The following EVPL variants were observed in gnomAD, a reference collection of about 807,000 sequenced individuals.
EVPL encodes 210 kDa cornified envelope precursor protein.
In EVPL, 94 loss-of-function variants were observed where a neutral mutation model predicts 129.7. The ratio of observed to expected loss-of-function variants is 0.72; its 90% confidence interval spans 0.61 to 0.86. EVPL has a LOEUF of 0.86. Among genes scored for constraint, EVPL ranks in the 40% least tolerant of loss-of-function variants. The pLI, the probability that EVPL is intolerant of heterozygous loss-of-function variation, is 0.00. For missense variants in EVPL, 2,625 were observed against 2,721.1 expected, an observed-to-expected ratio of 0.96 and a Z score of 0.79; for synonymous variants, 1,172 against 1,191.1, an observed-to-expected ratio of 0.98 and a Z score of 0.33.
At chr17:76,023,258 T>C in intron 4 of EVPL, 34 bp downstream of exon 4, 1 of 1,612,592 alleles carries the variant, frequency 6.2e-7, no homozygotes, top group Non-Finnish European at 8.5e-7. Flanking sequence ...TATCGCCCTC[T>C]GATCACACTG....
chr17:76,014,838 G>T, intron 17 of EVPL, 78 bp downstream of exon 17: 1 of 1,418,554 alleles, frequency 7.0e-7, no homozygotes, highest in Admixed American at 2.3e-5. Context: ...CACTAGCCCA[G>T]GATCACACAG....
In EVPL at chr17:76,007,315, T is replaced by C. The variant is rs767540969; in HGVS notation, c.5890A>G (p.Ile1964Val). The change falls in exon 22 of 22, where the codon ATC (isoleucine) becomes GTC (valine). Residue 1964 changes from isoleucine (I) to valine (V), a missense_variant. Physicochemically the swap from Ile to Val is conservative, Grantham distance 29. This residue lies in a region of EVPL where 1,453 missense variants were observed against 1,511.8 expected (regional missense o/e 0.96). Coordinates refer to ENST00000301607, the MANE Select transcript of EVPL (RefSeq NM_001988.4). This position sits in a 1 kb window ranked among gnomAD's most constrained non-coding sequence, Gnocchi z 8.8. ...AGGAGCTGGGCCAGCTCTTCACTGA[T>C]CATCCCGGAGAGGAGGGCCTGCTGG... ...PIQQALLSGM[I>V]SEELAQLLQD... 1.0e-5 allele frequency: 16 copies of C among 1,557,208 alleles called. No individual in the cohort carries two copies. In the African/African-American group the frequency reaches 2.1e-4, roughly 20 times the overall value.
chr17:76,015,968 A>T (rs1050979809), intron 14 of EVPL, among the ~76,000 whole-genome samples: 7 of 152,066 alleles, frequency 4.6e-5, no homozygotes, highest in African/African-American at 1.7e-4. Flanking sequence ...ACATGGCGAA[A>T]CCCTGTCTCT....
chr17:76,017,964 T>A (rs2066429727), intron 13 of EVPL, 53 bp from the exon 14 acceptor site: 2 of 1,603,190 alleles, frequency 1.2e-6, no homozygotes, highest in Admixed American at 3.4e-5. Flanking sequence ...GACTGCCAGA[T>A]AGGTGCCCCC....
intron 1 of EVPL, among the ~76,000 whole-genome samples, chr17:76,026,560 C>T (rs1383154846): frequency 5.9e-5 from 9 of 152,160 alleles, no homozygotes; most frequent in African/African-American, 2.2e-4. Flanking sequence ...GGTGAGAACT[C>T]TGGGGAGGGC....
Position 76,021,912 on chromosome 17 carries a change from C to G in EVPL, c.762G>C (p.Trp254Cys). 3 of 1,561,460 alleles carry G rather than the reference C, an allele frequency of 1.9e-6. No homozygotes were observed. Among genetic ancestry groups the G allele is most frequent in the Non-Finnish European group, 2.6e-6 (3 of 1,160,752 alleles). Reference protein sequence around the residue: ...EQQRRILQQDWSDLMADPAGV... With the variant: ...EQQRRILQQDCSDLMADPAGV... Reference sequence around the variant, plus strand: ...CCGCAGGGTCGGCCATGAGGTCGCTCCAGTCCTGCTGCAGGATGCGGCGCT... The same window carrying G: ...CCGCAGGGTCGGCCATGAGGTCGCTGCAGTCCTGCTGCAGGATGCGGCGCT... The change falls in exon 7 of 22, where the codon TGG (tryptophan) becomes TGC (cysteine). Residue 254 changes from tryptophan (W) to cysteine (C), a missense_variant. By Grantham distance (215) the Trp-to-Cys change is radical. This residue lies in a region of EVPL where 1,024 missense variants were observed against 997.5 expected (regional missense o/e 1.03). Coordinates refer to ENST00000301607, the MANE Select transcript of EVPL (RefSeq NM_001988.4).
intron 18 of EVPL, among the ~76,000 whole-genome samples, chr17:76,014,063 G>C (rs2066398461): frequency 6.6e-6 from 1 of 152,152 alleles, no homozygotes; most frequent in East Asian, 1.9e-4. Flanking sequence ...CAGCACTCCA[G>C]CTTCTCCCAC....
rs1052029208 is a variant in EVPL, at chr17:76,024,542, A to G, written c.99-422T>C. Among the ~76,000 whole-genome samples the G allele has an allele frequency of 2.6e-5, 4 of 152,090 alleles. No homozygotes were observed. The highest frequency in any genetic ancestry group is 9.6e-5 in the African/African-American group (4 of 41,512). On this transcript the variant is annotated intron_variant, in intron 1 of 21. Transcript: ENST00000301607. This position sits in a 1 kb window ranked among gnomAD's most constrained non-coding sequence, Gnocchi z 4.5. ...GTTGGGCTGGCTGGGGCAGGGAGGC[A>G]GCAGCATGTCCCCCATCCCCACCTC... is the stretch of plus-strand genomic sequence containing the variant.
intron 14 of EVPL, among the ~76,000 whole-genome samples, chr17:76,016,215 G>A (rs2066418147): frequency 6.6e-6 from 1 of 152,216 alleles, no homozygotes; most frequent in Admixed American, 6.5e-5. Flanking sequence ...CCTGAGCTCA[G>A]CAGTGAGCGC....
At position 76,009,094 on chromosome 17, in the gene EVPL, C is replaced by T. The variant is rs765943866; in HGVS notation, c.4111G>A (p.Val1371Met). 7 of 1,613,244 alleles carry T rather than the reference C, an allele frequency of 4.3e-6. No individual in the cohort carries two copies. The highest frequency in any genetic ancestry group is 5.9e-6 in the Non-Finnish European group (7 of 1,179,544). The change falls in exon 22 of 22, where the codon GTG becomes ATG. Residue 1371 changes from valine (V) to methionine (M), a missense_variant. Val to Met is a conservative substitution (Grantham distance 21). Coordinates refer to ENST00000301607, the MANE Select transcript of EVPL (RefSeq NM_001988.4). This position sits in a 1 kb window ranked among gnomAD's most constrained non-coding sequence, Gnocchi z 5.9. ...LERRKPEEKV[V>M]VQEVVVTQKD... ...TGGGTGACCACCACCTCCTGCACCA[C>T]CACCTTCTCCTCGGGCTTCCTCCTC... is the stretch of plus-strand genomic sequence containing the variant.
intron 1 of EVPL, among the ~76,000 whole-genome samples, chr17:76,025,222 C>A (rs892484629): frequency 6.6e-6 from 1 of 152,176 alleles, no homozygotes; most frequent in Admixed American, 6.5e-5. Context: ...TGAATTTATC[C>A]ATCTGAAACG....
In EVPL at chr17:76,022,122, G is replaced by C; in HGVS notation, c.645+67C>G. The C allele has an allele frequency of 1.3e-6, 2 of 1,597,912 alleles. No individual in the cohort carries two copies. The highest frequency in any genetic ancestry group is 1.7e-5 in the Admixed American group (1 of 57,218). ...GGCCGCGCTCAGGAACACTGGCCCC[G>C]GGCAGGGTCCGGGCGGCCACCCAGG... is the stretch of plus-strand genomic sequence containing the variant. On this transcript the variant is annotated intron_variant, in intron 6 of 21. Transcript: ENST00000301607. The surrounding 1 kb of genome is among the most constrained non-coding windows in gnomAD (Gnocchi z 5.6).
In EVPL at chr17:76,018,930, T is replaced by C; in HGVS notation, c.1268A>G (p.Asp423Gly). The part of the protein sequence containing the change: ...QQPLHVDSIC[D>G]WDSGEVQLLQ... ...AGTTCGCACTTCTCCTGAGTCCCAG[T>C]CGCAGATGCTGTCCACGTGCAGGGG... The change falls in exon 11 of 22, where the codon GAC becomes GGC. Residue 423 changes from aspartate to glycine, a missense_variant. Coordinates refer to ENST00000301607, the MANE Select transcript of EVPL (RefSeq NM_001988.4). 1.9e-6 allele frequency: 3 copies of C among 1,538,826 alleles called. No individual in the cohort carries two copies. The highest frequency in any genetic ancestry group is 2.6e-6 in the Non-Finnish European group (3 of 1,145,528).
intron 17 of EVPL, 43 bp from the exon 18 acceptor site, chr17:76,014,619 G>C (rs749804691): frequency 6.3e-7 from 1 of 1,593,540 alleles, no homozygotes; most frequent in Non-Finnish European, 8.5e-7. Context: ...GACCTGCCCC[G>C]TGGGGACAGG....
Position 76,013,927 on chromosome 17 carries a change from GT to G in EVPL, c.2373+498del, listed in dbSNP as rs1389907806. The stretch of plus-strand genomic sequence containing the variant: ...CCCATCTGGTCGCCCTCGCCCCTGA[GT>G]CCCCCTCCTTTCCCCTGACTGCCAT... On this transcript the variant is annotated intron_variant, in intron 18 of 21. Transcript: ENST00000301607. The surrounding 1 kb of genome is among the most constrained non-coding windows in gnomAD (Gnocchi z 4.3). Among the ~76,000 whole-genome samples, 1 of 152,038 alleles carries G rather than the reference GT, an allele frequency of 6.6e-6. No individual in the cohort carries two copies. The highest frequency in any genetic ancestry group is 1.5e-5 in the Non-Finnish European group (1 of 67,990).
chr17:76,023,983 G>A (rs1237831315), intron 2 of EVPL, 38 bp downstream of exon 2: 3 of 1,588,174 alleles, frequency 1.9e-6, no homozygotes, highest in African/African-American at 1.3e-5. Context: ...ATGCCACCCA[G>A]CCTGTCCACG....
rs1388752896 is a variant in EVPL, at chr17:76,022,378, T to C, written c.606+35A>G. ...TCTGACTGGAGAAACGGGCTGGGGCTGGCCCCGGATGTGACATCCTCCAGG... is the reference window on the plus strand; with the variant it reads ...TCTGACTGGAGAAACGGGCTGGGGCCGGCCCCGGATGTGACATCCTCCAGG... On this transcript the variant is annotated intron_variant, in intron 5 of 21. Transcript: ENST00000301607. The surrounding 1 kb of genome is among the most constrained non-coding windows in gnomAD (Gnocchi z 5.6). 6 of 1,612,510 alleles carry C rather than the reference T, an allele frequency of 3.7e-6. No homozygotes were observed. Among genetic ancestry groups the C allele is most frequent in the African/African-American group, 1.3e-5 (1 of 74,906 alleles).
At chr17:76,016,010 A>T (rs2066417155) in intron 14 of EVPL, among the ~76,000 whole-genome samples, 1 of 152,120 alleles carries the variant, frequency 6.6e-6, no homozygotes, top group Admixed American at 6.5e-5. Flanking sequence ...CGGCCGTAGC[A>T]GCGCGCACCT....
rs777112755 is a variant in EVPL, at chr17:76,022,421, C to T, written c.598G>A (p.Val200Met). ...CCTCCAGGCTCACCTACCGGCCCCA[C>T]GAGGCTCCGCAGCTGCTGCCCATAG... ...DAYGQQLRSL[V>M]GPDAATIRSQ... The change falls in exon 5 of 22, where the codon GTG becomes ATG. Residue 200 changes from valine (V) to methionine (M), a missense_variant. Around this residue, in one of 4 missense-constraint regions of EVPL, gnomAD observed 1,024 missense variants for 997.5 expected, o/e 1.03. Coordinates refer to ENST00000301607, the MANE Select transcript of EVPL (RefSeq NM_001988.4). This position sits in a 1 kb window ranked among gnomAD's most constrained non-coding sequence, Gnocchi z 5.6. 7 of 1,613,700 alleles carry T rather than the reference C, an allele frequency of 4.3e-6. No individual in the cohort carries two copies. Among genetic ancestry groups the T allele is most frequent in the South Asian group, 1.1e-5 (1 of 91,058 alleles).
Sources: allele counts gnomAD v4.1 joint callset (sites outside exome capture counted in the v4.1 genomes callset), GRCh38; gene constraint gnomAD v4.1.1; regional missense constraint gnomAD v4.1.1; non-coding constraint Gnocchi (gnomAD v3.1); transcripts MANE v1.5; gene names NCBI Gene and HGNC (gene_info 2026-07-23, HGNC 2026-07-21).